Variants in PPP1R12B observed in about 807,000 individuals in gnomAD.
The protein encoded by PPP1R12B is myosin phosphatase target subunit 2.
PPP1R12B carries 76 observed loss-of-function variants against 126.1 expected under a neutral mutation model. The observed-to-expected ratio is 0.60, with a 90% CI of 0.50 to 0.73. PPP1R12B has a LOEUF of 0.73. Ranked by LOEUF, PPP1R12B falls within the 30% of genes least tolerant of loss-of-function variation. PPP1R12B has a pLI of 0.00. For missense variants in PPP1R12B, 1,052 were observed against 1,205.1 expected, an observed-to-expected ratio of 0.87 and a Z score of 1.88; for synonymous variants, 356 against 434.7, an observed-to-expected ratio of 0.82 and a Z score of 2.25.
intron 13 of PPP1R12B, among the ~76,000 whole-genome samples, chr1:202,467,739 A>G: frequency 6.6e-6 from 1 of 152,232 alleles, no homozygotes; most frequent in East Asian, 1.9e-4. Context: ...GTATATACCC[A>G]GTAATGGGAT....
At chr1:202,482,810 C>A (rs986781629) in intron 13 of PPP1R12B, among the ~76,000 whole-genome samples, 17 of 152,162 alleles carry the variant, frequency 1.1e-4, no homozygotes, top group African/African-American at 4.1e-4. Context: ...TTTAAAATAT[C>A]CTAGCTTAGC....
In PPP1R12B at chr1:202,588,429, G is replaced by A. The variant is rs190519068; in HGVS notation, c.*7869G>A. ...TGGCCTTTCAACCCTAAGATGAATG[G>A]TTTTGTTTTACTGGTTGTTGTTATA... is the stretch of plus-strand genomic sequence containing the variant. On this transcript the variant is annotated 3_prime_UTR_variant, in exon 24 of 24. Coordinates refer to ENST00000608999, the MANE Select transcript of PPP1R12B (RefSeq NM_002481.4). The A allele has an allele frequency of 6.5e-6, 1 of 152,686 alleles. No individual in the cohort carries two copies. Among genetic ancestry groups the A allele is most frequent in the East Asian group, 1.9e-4 (1 of 5,184 alleles). The allele number at this position is 152,686 out of a possible 1,614,324, so 9.5% of individuals were successfully genotyped here.
chr1:202,438,951 C>G, intron 10 of PPP1R12B: 1 of 1,536,476 alleles, frequency 6.5e-7, no homozygotes, highest in South Asian at 1.1e-5. Flanking sequence ...GTGGACTGGC[C>G]TGACCTGGAG....
In PPP1R12B at chr1:202,481,225, G is replaced by C. The variant is rs151113423; in HGVS notation, c.1851-7308G>C. On this transcript the variant is annotated intron_variant, in intron 13 of 23. Transcript: ENST00000608999. ...CCTAACACGCCACAGATCAGTACTG[G>C]TCTGCAGCCCGGGGGTTGGGGACCC... is the stretch of plus-strand genomic sequence containing the variant. Among the ~76,000 whole-genome samples the C allele has an allele frequency of 2.4e-4, 36 of 152,282 alleles. No homozygotes were observed. The East Asian group carries it at 6.4e-3, about 27-fold the overall frequency.
In PPP1R12B at chr1:202,508,077, GCTGTAAAGCTTC is replaced by G. The variant is rs1681021192; in HGVS notation, c.2490+11261_2490+11272del. ...AGGATAGTAGGACTACCTATCCCAA[GCTGTAAAGCTTC>G]CTGTATAAAGCTTGTAAAAATGTAA... On this transcript the variant is annotated intron_variant, in intron 18 of 23. Transcript: ENST00000608999. The surrounding 1 kb of genome is among the most constrained non-coding windows in gnomAD (Gnocchi z 4.5). Among the ~76,000 whole-genome samples the G allele has an allele frequency of 6.6e-6, 1 of 152,228 alleles. No homozygotes were observed. Among genetic ancestry groups the G allele is most frequent in the African/African-American group, 2.4e-5 (1 of 41,456 alleles).
At chr1:202,378,160 GAATACTGATATTTC>G (rs931716573) in intron 1 of PPP1R12B, among the ~76,000 whole-genome samples, 5 of 150,612 alleles carry the variant, frequency 3.3e-5, no homozygotes, top group Admixed American at 6.6e-5. Flanking sequence ...AAGATTTTGA[GAATACTGATATTTC>G]ACAAATATTT....
intron 18 of PPP1R12B, among the ~76,000 whole-genome samples, chr1:202,511,031 A>T (rs1013737478): frequency 3.4e-5 from 5 of 146,968 alleles, no homozygotes; most frequent in African/African-American, 1.2e-4. Flanking sequence ...TAATATAAAT[A>T]TAACAATTAT....
Position 202,448,970 on chromosome 1 carries a change from G to T in PPP1R12B, c.1668-19G>T, listed in dbSNP as rs371888699. ...ATGCCTAACCATTTCCTTTCTGCTTGTATCTTTTTAAATTTCAGGACTCCT... is the reference window on the plus strand; with the variant it reads ...ATGCCTAACCATTTCCTTTCTGCTTTTATCTTTTTAAATTTCAGGACTCCT... On this transcript the variant is annotated intron_variant, in intron 12 of 23. Coordinates refer to ENST00000608999, the MANE Select transcript of PPP1R12B (RefSeq NM_002481.4). The T allele has an allele frequency of 4.3e-6, 7 of 1,611,710 alleles. No individual in the cohort carries two copies. The highest frequency in any genetic ancestry group is 5.9e-6 in the Non-Finnish European group (7 of 1,178,134).
chr1:202,365,120 T>C (rs1202315661), intron 1 of PPP1R12B, among the ~76,000 whole-genome samples: 1 of 152,240 alleles, frequency 6.6e-6, no homozygotes. Context: ...TTGCAAATAT[T>C]TTAACATAGT....
chr1:202,351,351 G>A (rs1393674394), intron 1 of PPP1R12B, among the ~76,000 whole-genome samples: 2 of 151,782 alleles, frequency 1.3e-5, no homozygotes, highest in Non-Finnish European at 2.9e-5. Flanking sequence ...CTATTCTCAT[G>A]CATCAGCCTC....
At chr1:202,438,407 T>G (rs1030656549) in intron 10 of PPP1R12B, 149 of 554,062 alleles carry the variant, frequency 2.7e-4, no homozygotes, top group African/African-American at 2.2e-3. Flanking sequence ...TGGCTTCGTG[T>G]GCTGAACCCT....
rs1315623239 is a variant in PPP1R12B at position 202,565,356 on chromosome 1, G to A, written c.2757+809G>A. Among the ~76,000 whole-genome samples the A allele has an allele frequency of 6.6e-6, 1 of 152,218 alleles. No homozygotes were observed. The highest frequency in any genetic ancestry group is 2.4e-5 in the African/African-American group (1 of 41,460). ...TCGAAAGCTGAACTGAAGTAAAAAT[G>A]ATTCTTTAGCAGGAAGGCTTGAAAT... On this transcript the variant is annotated intron_variant, in intron 21 of 23. Coordinates refer to ENST00000608999, the MANE Select transcript of PPP1R12B (RefSeq NM_002481.4). The surrounding 1 kb of genome is among the most constrained non-coding windows in gnomAD (Gnocchi z 4.3).
chr1:202,416,291 C>T (rs1036142528), intron 1 of PPP1R12B, among the ~76,000 whole-genome samples: 2 of 152,112 alleles, frequency 1.3e-5, no homozygotes, highest in African/African-American at 2.4e-5. Flanking sequence ...CTTTGGGAGG[C>T]TGAGGTGGGT....
At chr1:202,417,166 A>G in intron 2 of PPP1R12B, 7 of 869,222 alleles carry the variant, frequency 8.1e-6, no homozygotes, top group Non-Finnish European at 9.7e-6. Context: ...ATTTGCTGGG[A>G]TATGCAGAGG....
chr1:202,506,956 C>T (rs1369468349), intron 18 of PPP1R12B, among the ~76,000 whole-genome samples: 12 of 152,110 alleles, frequency 7.9e-5, no homozygotes, highest in Admixed American at 1.3e-4. Flanking sequence ...GCTAGATATC[C>T]TAAAATGCCC....
intron 18 of PPP1R12B, among the ~76,000 whole-genome samples, chr1:202,514,080 TG>T (rs2148900246): frequency 6.6e-6 from 1 of 152,302 alleles, no homozygotes; most frequent in South Asian, 2.1e-4. Context: ...TGTTTTGTTT[TG>T]TTTTTTCTTT....
At chr1:202,570,556 T>C (rs562096523) in intron 23 of PPP1R12B, among the ~76,000 whole-genome samples, 2 of 152,308 alleles carry the variant, frequency 1.3e-5, no homozygotes, top group South Asian at 4.1e-4. Context: ...TAATAAATAA[T>C]TGATTCTCAT....
chr1:202,425,199 T>C (rs1440530398), intron 3 of PPP1R12B, among the ~76,000 whole-genome samples: 2 of 152,224 alleles, frequency 1.3e-5, no homozygotes, highest in African/African-American at 4.8e-5. Flanking sequence ...TATATTTACC[T>C]TGAAGGATTG....
intron 18 of PPP1R12B, among the ~76,000 whole-genome samples, chr1:202,526,003 G>T (rs1171150897): frequency 6.6e-6 from 1 of 152,194 alleles, no homozygotes; most frequent in Non-Finnish European, 1.5e-5. Flanking sequence ...CCAGAAAAGG[G>T]TGTTTTTTAA....
Sources: allele counts gnomAD v4.1 joint callset (sites outside exome capture counted in the v4.1 genomes callset), GRCh38; gene constraint gnomAD v4.1.1; non-coding constraint Gnocchi (gnomAD v3.1); transcripts MANE v1.5; gene names NCBI Gene and HGNC (gene_info 2026-07-23, HGNC 2026-07-21).